LRFN5: variants seen among roughly 807,000 people sequenced by gnomAD.
LRFN5 encodes leucine-rich repeat and fibronectin type-III domain-containing protein 5.
LRFN5 carries 24 observed loss-of-function variants against 45.6 expected under a neutral mutation model. The ratio of observed to expected loss-of-function variants is 0.53; its 90% CI spans 0.38 to 0.74. LRFN5 has a LOEUF of 0.74. Among genes scored for constraint, LRFN5 ranks in the 30% least tolerant of loss-of-function variants. LRFN5 has a pLI of 0.00. For missense variants in LRFN5, 776 were observed against 861.5 expected (o/e 0.90, Z 1.24); for synonymous variants, 340 against 313.8 (o/e 1.08, Z -0.88).
At chr14:41,723,854 A>G (rs1460464514) in intron 1 of LRFN5, among the ~76,000 whole-genome samples, 2 of 152,148 alleles carry the variant, frequency 1.3e-5, no homozygotes, top group Admixed American at 1.3e-4. Context: ...TCATAATGCC[A>G]TGTCACCAAA....
chr14:41,724,830 A>G (rs1254172964), intron 1 of LRFN5, among the ~76,000 whole-genome samples: 1 of 152,198 alleles, frequency 6.6e-6, no homozygotes, highest in Non-Finnish European at 1.5e-5. Flanking sequence ...TCCCACAGCC[A>G]TAATAAAAGT....
At chr14:41,689,326 G>A (rs1003763086) in intron 1 of LRFN5, among the ~76,000 whole-genome samples, 7 of 151,952 alleles carry the variant, frequency 4.6e-5, no homozygotes, top group Non-Finnish European at 8.8e-5. Context: ...TTGGTTCTTC[G>A]AAAAGATTAA....
At chr14:41,818,699 T>C (rs1205486651) in intron 2 of LRFN5, among the ~76,000 whole-genome samples, 2 of 152,140 alleles carry the variant, frequency 1.3e-5, no homozygotes, top group African/African-American at 4.8e-5. Flanking sequence ...TCTCTCCAAA[T>C]ATTTTTGTCT....
chr14:41,743,787 C>T (rs1884806830), intron 1 of LRFN5, among the ~76,000 whole-genome samples: 1 of 152,046 alleles, frequency 6.6e-6, no homozygotes, highest in Non-Finnish European at 1.5e-5. Context: ...TCACATTTTA[C>T]CTCATCAATA....
At chr14:41,798,257 T>C (rs1357702336) in intron 2 of LRFN5, among the ~76,000 whole-genome samples, 4 of 151,986 alleles carry the variant, frequency 2.6e-5, no homozygotes, top group African/African-American at 9.7e-5. Flanking sequence ...TGTTGAGCTC[T>C]TCCACTTCTG....
At chr14:41,664,868 C>A (rs944698434) in intron 1 of LRFN5, among the ~76,000 whole-genome samples, 1 of 151,832 alleles carries the variant, frequency 6.6e-6, no homozygotes, top group Non-Finnish European at 1.5e-5. Flanking sequence ...CCACACAAAT[C>A]AATACACAAG....
chr14:41,626,882 A>G (rs945116822), intron 1 of LRFN5, among the ~76,000 whole-genome samples: 2 of 152,158 alleles, frequency 1.3e-5, no homozygotes, highest in African/African-American at 4.8e-5. Flanking sequence ...TGAATTCCAC[A>G]TTAACAGAGA....
chr14:41,719,329 AGACT>A, intron 1 of LRFN5, among the ~76,000 whole-genome samples: 1 of 152,224 alleles, frequency 6.6e-6, no homozygotes, highest in South Asian at 2.1e-4. Flanking sequence ...TATTATTTTT[AGACT>A]GATAACATTT....
chr14:41,638,856 T>C (rs2138593209), intron 1 of LRFN5, among the ~76,000 whole-genome samples: 1 of 152,208 alleles, frequency 6.6e-6, no homozygotes, highest in South Asian at 2.1e-4. Context: ...TTTAAAAATA[T>C]TCTTCTAGAA....
intron 2 of LRFN5, among the ~76,000 whole-genome samples, chr14:41,826,128 C>G (rs1594443606): frequency 6.6e-6 from 1 of 152,174 alleles, no homozygotes; most frequent in Admixed American, 6.5e-5. Flanking sequence ...GAAATGATCT[C>G]ACTGCCATCA....
At chr14:41,824,878 G>A (rs1025796881) in intron 2 of LRFN5, among the ~76,000 whole-genome samples, 2 of 152,054 alleles carry the variant, frequency 1.3e-5, no homozygotes, top group Admixed American at 6.6e-5. Flanking sequence ...GGGGAGAGGG[G>A]ACTGCACTAG....
intron 2 of LRFN5, among the ~76,000 whole-genome samples, chr14:41,860,323 C>G (rs1356301218): frequency 6.6e-6 from 1 of 152,156 alleles, no homozygotes; most frequent in East Asian, 1.9e-4. Flanking sequence ...TTATTTCAAA[C>G]ACTAAAGGAT....
chr14:41,850,825 TGA>T (rs1424017867), intron 2 of LRFN5, among the ~76,000 whole-genome samples: 3 of 151,748 alleles, frequency 2.0e-5, no homozygotes, highest in African/African-American at 7.3e-5. Flanking sequence ...GACTATTTCC[TGA>T]AAGTTACATC....
At chr14:41,808,197 GGGAAGGAAGGAAGGAAGGAAGGAA>G (rs141262386) in intron 2 of LRFN5, among the ~76,000 whole-genome samples, 3 of 101,074 alleles carry the variant, frequency 3.0e-5, no homozygotes, top group Admixed American at 1.0e-4. Flanking sequence ...AGGAAGTAGA[GGGAAGGAAGGAAGGAAGGAAGGAA>G]GGAAGGAAGG....
intron 2 of LRFN5, among the ~76,000 whole-genome samples, chr14:41,825,985 A>G (rs1323632704): frequency 1.3e-5 from 2 of 151,782 alleles, no homozygotes; most frequent in Non-Finnish European, 2.9e-5. Context: ...TCAGCACCCC[A>G]TTTTCTTCCT....
chr14:41,712,437 G>C (rs1054280446), intron 1 of LRFN5, among the ~76,000 whole-genome samples: 5 of 151,976 alleles, frequency 3.3e-5, no homozygotes, highest in African/African-American at 1.2e-4. Context: ...AAGGTAAAAC[G>C]TTCTGAATTT....
chr14:41,710,578 A>G (rs1883239871), intron 1 of LRFN5, among the ~76,000 whole-genome samples: 1 of 143,132 alleles, frequency 7.0e-6, no homozygotes, highest in African/African-American at 2.7e-5. Context: ...CTTTAGATTG[A>G]AAAAGGGATA....
intron 4 of LRFN5, chr14:41,893,967 A>G: frequency 1.0e-6 from 1 of 985,098 alleles, no homozygotes; most frequent in Non-Finnish European, 1.2e-6. Context: ...TATTTTCAGT[A>G]CTATTAATGT....
chr14:41,682,570 T>A (rs772470749), intron 1 of LRFN5, among the ~76,000 whole-genome samples: 18 of 152,102 alleles, frequency 1.2e-4, no homozygotes, highest in Non-Finnish European at 2.5e-4. Flanking sequence ...AATATTTAGC[T>A]CGACTGCATA....
Sources: gnomAD v4.1 joint callset for allele counts (sites outside exome capture counted in the v4.1 genomes callset) on GRCh38, gnomAD v4.1.1 for gene constraint, MANE v1.5 for transcripts, NCBI Gene and HGNC (gene_info 2026-07-23, HGNC 2026-07-21) for gene names.